TCF7L1: variants seen among roughly 807,000 people sequenced by gnomAD.
The protein encoded by TCF7L1 is transcription factor 7 like 1, also known as transcription factor 7-like 1.
Under a neutral mutation model 63.7 loss-of-function variants are expected in TCF7L1, and 18 were observed. The observed-to-expected ratio is 0.28, with a 90% confidence interval of 0.20 to 0.42. TCF7L1 has a LOEUF of 0.42. Ranked by LOEUF, TCF7L1 falls within the 10% of genes least tolerant of loss-of-function variation. The probability of loss-of-function intolerance (pLI) is 1.00; values close to 1 mark genes in which losing one functional copy is unlikely to be tolerated. For missense variants in TCF7L1, 654 were observed against 779.3 expected (o/e 0.84, Z 1.91); for synonymous variants, 355 against 340.9 (o/e 1.04, Z -0.46).
chr2:85,219,798 A>G (rs1679803414), intron 3 of TCF7L1, among the ~76,000 whole-genome samples: 1 of 152,236 alleles, frequency 6.6e-6, no homozygotes, highest in African/African-American at 2.4e-5. Context: ...AACTCCCAAG[A>G]GAATGATAAT....
intron 3 of TCF7L1, chr2:85,186,813 CA>C (rs1174046799): frequency 1.3e-5 from 2 of 152,200 alleles, no homozygotes; most frequent in East Asian, 3.8e-4. Flanking sequence ...GTAATAAAGA[CA>C]TTTTTCATAC....
At chr2:85,218,230 TAC>T (rs1679755144) in intron 3 of TCF7L1, among the ~76,000 whole-genome samples, 1 of 148,366 alleles carries the variant, frequency 6.7e-6, no homozygotes, top group Non-Finnish European at 1.5e-5. Context: ...TTTCTAACTT[TAC>T]TTATTTTATT....
intron 3 of TCF7L1, among the ~76,000 whole-genome samples, chr2:85,238,902 C>T (rs1013107853): frequency 1.3e-5 from 2 of 151,786 alleles, no homozygotes; most frequent in Non-Finnish European, 2.9e-5. Flanking sequence ...TCACTGCTGA[C>T]TCCGCCTCCC....
At chr2:85,268,819 G>A (rs975234979) in intron 3 of TCF7L1, among the ~76,000 whole-genome samples, 1 of 151,926 alleles carries the variant, frequency 6.6e-6, no homozygotes. Flanking sequence ...CTTAGGGGAA[G>A]CTAAGCGAGG....
intron 3 of TCF7L1, among the ~76,000 whole-genome samples, chr2:85,276,010 A>C (rs917450296): frequency 1.3e-5 from 2 of 152,172 alleles, no homozygotes; most frequent in Non-Finnish European, 2.9e-5. Flanking sequence ...CCATCCACAA[A>C]GTTAAGCAAA....
chr2:85,239,312 G>A (rs1217574368), intron 3 of TCF7L1, among the ~76,000 whole-genome samples: 1 of 152,060 alleles, frequency 6.6e-6, no homozygotes, highest in Non-Finnish European at 1.5e-5. Context: ...TGCTGTGAGG[G>A]TTGCTCCCTG....
chr2:85,216,163 G>A (rs959406491), intron 3 of TCF7L1, among the ~76,000 whole-genome samples: 12 of 152,120 alleles, frequency 7.9e-5, no homozygotes, highest in Non-Finnish European at 1.6e-4. Flanking sequence ...GAAAGGGAAT[G>A]CAGATTTTAT....
chr2:85,203,342 T>C (rs1679321608), intron 3 of TCF7L1, among the ~76,000 whole-genome samples: 2 of 152,214 alleles, frequency 1.3e-5, no homozygotes, highest in Admixed American at 6.5e-5. Flanking sequence ...AAGATCTTAA[T>C]TCTTTGGTAG....
At chr2:85,151,007 A>C (rs1361628244) in intron 3 of TCF7L1, among the ~76,000 whole-genome samples, 2 of 152,192 alleles carry the variant, frequency 1.3e-5, no homozygotes, top group Non-Finnish European at 2.9e-5. Flanking sequence ...TATAGAACAT[A>C]TTTGTGCATA....
chr2:85,309,400 C>T lies in TCF7L1; in HGVS notation c.1705C>T (p.His569Tyr), dbSNP rs755831476. The T allele has an allele frequency of 2.8e-5, 45 of 1,590,682 alleles. No homozygotes were observed. Among genetic ancestry groups the T allele is most frequent in the Non-Finnish European group, 3.6e-5 (42 of 1,167,646 alleles). ...GTCCTTCCCCGCCACGCTCCATGCC[C>T]ACCAGGCCCTCCCGGTGCTACAGGC... The part of the protein sequence containing the change: ...PPSFPATLHA[H>Y]QALPVLQAQP... The change falls in exon 12 of 12, where the codon CAC becomes TAC. Residue 569 changes from histidine to tyrosine, a missense_variant. Physicochemically the swap from His to Tyr is moderately conservative, Grantham distance 83. Coordinates refer to ENST00000282111, the MANE Select transcript of TCF7L1 (RefSeq NM_031283.3).
intron 3 of TCF7L1, among the ~76,000 whole-genome samples, chr2:85,240,678 A>T (rs1437010722): frequency 1.3e-5 from 2 of 151,522 alleles, no homozygotes; most frequent in Non-Finnish European, 2.9e-5. Flanking sequence ...AGCTACTCTG[A>T]GGCAGGAGAA....
At chr2:85,145,844 TTTTTA>T (rs571799971) in intron 3 of TCF7L1, among the ~76,000 whole-genome samples, 25 of 152,284 alleles carry the variant, frequency 1.6e-4, no homozygotes, top group East Asian at 1.4e-3. Flanking sequence ...TTTTGCTATG[TTTTTA>T]TTTTATTTTA....
intron 7 of TCF7L1, among the ~76,000 whole-genome samples, chr2:85,304,547 CAGA>C (rs1167295749): frequency 1.3e-5 from 2 of 152,094 alleles, no homozygotes; most frequent in African/African-American, 4.8e-5. Context: ...ATCTCTCCAA[CAGA>C]AGGATTGCAA....
chr2:85,150,818 C>A (rs944943479), intron 3 of TCF7L1, among the ~76,000 whole-genome samples: 1 of 152,130 alleles, frequency 6.6e-6, no homozygotes, highest in Non-Finnish European at 1.5e-5. Flanking sequence ...TACTTTGAGA[C>A]TATGTAAATA....
chr2:85,138,500 CA>C (rs905197536), intron 3 of TCF7L1, among the ~76,000 whole-genome samples: 36 of 152,158 alleles, frequency 2.4e-4, no homozygotes, highest in African/African-American at 8.7e-4. Flanking sequence ...ACTTCTGTTT[CA>C]TTTTTTTTTC....
At chr2:85,218,235 AT>A (rs1679755357) in intron 3 of TCF7L1, among the ~76,000 whole-genome samples, 1 of 139,520 alleles carries the variant, frequency 7.2e-6, no homozygotes, top group Non-Finnish European at 1.5e-5. Flanking sequence ...AACTTTACTT[AT>A]TTTATTTATT....
intron 3 of TCF7L1, among the ~76,000 whole-genome samples, chr2:85,245,384 T>G (rs1159116883): frequency 6.6e-6 from 1 of 152,140 alleles, no homozygotes; most frequent in Non-Finnish European, 1.5e-5. Flanking sequence ...CAGTCACCAG[T>G]CCCTCTTCCC....
chr2:85,261,590 T>C (rs1056731201), intron 3 of TCF7L1, among the ~76,000 whole-genome samples: 2 of 152,186 alleles, frequency 1.3e-5, no homozygotes, highest in Admixed American at 6.5e-5. Context: ...TTGAAGTAGA[T>C]GTTGTCAAAG....
rs147768153 is a variant in TCF7L1 at position 85,273,466 on chromosome 2, G to T, written c.442-10029G>T. On this transcript the variant is annotated intron_variant, in intron 3 of 11. Coordinates refer to ENST00000282111, the MANE Select transcript of TCF7L1 (RefSeq NM_031283.3). The stretch of plus-strand genomic sequence containing the variant: ...TAAGAGTAATGGAAACTCCAGTGAG[G>T]GACTTTTTTACCTGTCAGTTTGGCA... Among the ~76,000 whole-genome samples, 301 of 152,322 alleles carry T rather than the reference G, an allele frequency of 2.0e-3. 1 individual carries two copies. The highest frequency in any genetic ancestry group is 7.0e-3 in the African/African-American group (293 of 41,570).
Sources: gnomAD v4.1 joint callset for allele counts (sites outside exome capture counted in the v4.1 genomes callset) on GRCh38, gnomAD v4.1.1 for gene constraint, MANE v1.5 for transcripts, NCBI Gene and HGNC (gene_info 2026-07-23, HGNC 2026-07-21) for gene names.